The following PLD5 variants were observed in gnomAD, a reference collection of about 807,000 sequenced individuals.
PLD5 encodes phospholipase D family member 5, also known as inactive phospholipase D5.
PLD5 carries 36 observed loss-of-function variants against 61.1 expected under a neutral mutation model. The ratio of observed to expected loss-of-function variants is 0.59; its 90% confidence interval spans 0.45 to 0.78. The LOEUF is 0.78. PLD5 is among the 30% of genes least tolerant of loss of function. The probability of loss-of-function intolerance (pLI) is 0.00; values close to 1 mark genes in which losing one functional copy is unlikely to be tolerated. For synonymous variants in PLD5, 243 were observed against 242.8 expected (o/e 1.00, Z -0.01); for missense variants, 515 against 644.4 (o/e 0.80, Z 2.17).
intron 1 of PLD5, among the ~76,000 whole-genome samples, chr1:242,486,092 G>A (rs373222030): frequency 0.11 from 16,931 of 151,872 alleles, 1,627 homozygotes; most frequent in African/African-American, 0.26. Context: ...TTAAATGTTA[G>A]ACCTAAAACC....
At chr1:242,135,340 G>A (rs1490473873) in intron 5 of PLD5, among the ~76,000 whole-genome samples, 2 of 152,152 alleles carry the variant, frequency 1.3e-5, no homozygotes, top group African/African-American at 4.8e-5. Flanking sequence ...TGAGGCACAA[G>A]AGCTGGAGTG....
intron 5 of PLD5, among the ~76,000 whole-genome samples, chr1:242,175,818 G>C (rs148721191): frequency 1.3e-3 from 193 of 152,264 alleles, no homozygotes; most frequent in African/African-American, 4.1e-3. Flanking sequence ...GACAAACAGA[G>C]AGCCAAATCA....
chr1:242,323,098 T>C (rs181892916), intron 2 of PLD5, among the ~76,000 whole-genome samples: 145 of 152,246 alleles, frequency 9.5e-4, no homozygotes, highest in Non-Finnish European at 1.7e-3. Context: ...ATTATTATTG[T>C]TATAATTATT....
At chr1:242,260,316 C>T (rs1453578821) in intron 4 of PLD5, among the ~76,000 whole-genome samples, 3 of 150,076 alleles carry the variant, frequency 2.0e-5, no homozygotes, top group Non-Finnish European at 4.4e-5. Context: ...CATTGCACTC[C>T]AGCCTGGGTG....
At chr1:242,130,178 A>G (rs1300785072) in intron 5 of PLD5, among the ~76,000 whole-genome samples, 1 of 151,872 alleles carries the variant, frequency 6.6e-6, no homozygotes, top group East Asian at 1.9e-4. Context: ...CAGCCTCCCA[A>G]GTAGCTGTGA....
At chr1:242,284,906 T>C (rs1042209966) in intron 3 of PLD5, among the ~76,000 whole-genome samples, 9 of 152,126 alleles carry the variant, frequency 5.9e-5, no homozygotes, top group African/African-American at 1.4e-4. Flanking sequence ...CTCCCCCTTG[T>C]AAAGAGGCAA....
At chr1:242,103,616 G>T (rs893513586) in intron 8 of PLD5, among the ~76,000 whole-genome samples, 1 of 152,174 alleles carries the variant, frequency 6.6e-6, no homozygotes, top group Non-Finnish European at 1.5e-5. Flanking sequence ...CCATTCTCCT[G>T]TGTCTCTGAC....
intron 1 of PLD5, among the ~76,000 whole-genome samples, chr1:242,453,259 G>A (rs1349674210): frequency 6.6e-6 from 1 of 152,134 alleles, no homozygotes; most frequent in East Asian, 1.9e-4. Context: ...CAGGAAGCAG[G>A]TCCTCCAGGC....
At chr1:242,138,152 C>T (rs965626513) in intron 5 of PLD5, among the ~76,000 whole-genome samples, 15 of 152,072 alleles carry the variant, frequency 9.9e-5, no homozygotes, top group Admixed American at 5.2e-4. Context: ...ACTGGTATCC[C>T]AGATTTATAA....
intron 1 of PLD5, among the ~76,000 whole-genome samples, chr1:242,504,753 A>G (rs567473758): frequency 2.5e-4 from 38 of 151,980 alleles, no homozygotes; most frequent in African/African-American, 8.0e-4. Context: ...GTGAAACATG[A>G]TTTTCCCAAA....
intron 5 of PLD5, among the ~76,000 whole-genome samples, chr1:242,135,098 G>T (rs2800770): frequency 0.66 from 100,718 of 152,026 alleles, 33,773 homozygotes; most frequent in African/African-American, 0.75. Flanking sequence ...CTGTAAAGTG[G>T]GGTAGTAATG....
At chr1:242,200,259 G>A (rs1668900929) in intron 5 of PLD5, among the ~76,000 whole-genome samples, 1 of 152,184 alleles carries the variant, frequency 6.6e-6, no homozygotes, top group African/African-American at 2.4e-5. Context: ...GATTTCAATG[G>A]TCAGTGTGTT....
intron 5 of PLD5, among the ~76,000 whole-genome samples, chr1:242,135,880 C>T (rs1223310200): frequency 2.0e-5 from 3 of 152,198 alleles, no homozygotes; most frequent in East Asian, 1.9e-4. Flanking sequence ...TTCTACTTCT[C>T]ACTGACTTAC....
intron 4 of PLD5, among the ~76,000 whole-genome samples, chr1:242,247,085 G>A (rs1485290926): frequency 2.0e-5 from 3 of 150,266 alleles, no homozygotes; most frequent in African/African-American, 4.9e-5. Flanking sequence ...CCGGGTTCAC[G>A]CCATTCTCCT....
chr1:242,247,031 T>G (rs61845478), intron 4 of PLD5, among the ~76,000 whole-genome samples: 16,795 of 150,930 alleles, frequency 0.11, 1,231 homozygotes, highest in South Asian at 0.25. Flanking sequence ...TCGCCCAGGC[T>G]GGAGTGCAGT....
intron 5 of PLD5, among the ~76,000 whole-genome samples, chr1:242,185,663 A>G (rs939880284): frequency 6.6e-6 from 1 of 152,204 alleles, no homozygotes; most frequent in African/African-American, 2.4e-5. Context: ...GAGTCTCTTA[A>G]TTAATTCCCC....
chr1:242,113,633 A>G (rs547840730), intron 7 of PLD5, among the ~76,000 whole-genome samples: 2 of 152,336 alleles, frequency 1.3e-5, no homozygotes, highest in South Asian at 4.1e-4. Context: ...TTCTTTTGAA[A>G]GTTACTCTCA....
At position 242,397,719 on chromosome 1, in the gene PLD5, C is replaced by T. The variant is rs576948906; in HGVS notation, c.190-49477G>A. The stretch of plus-strand genomic sequence containing the variant: ...GACTATTCTATATCTCTATTACATT[C>T]TAATATCATCTCCTGTGGGAATTCT... On this transcript the variant is annotated intron_variant, in intron 1 of 9. Transcript: ENST00000536534. 3.9e-5 allele frequency among the ~76,000 whole-genome samples: 6 copies of T among 151,938 alleles called. No homozygotes were observed. The East Asian group carries it at 1.2e-3, about 29-fold the overall frequency.
chr1:242,118,862 G>A (rs371869457), intron 6 of PLD5, among the ~76,000 whole-genome samples: 1 of 152,192 alleles, frequency 6.6e-6, no homozygotes, highest in Non-Finnish European at 1.5e-5. Flanking sequence ...ACTAGTGGCT[G>A]TAAAATGTCT....
Sources: gnomAD v4.1 joint callset for allele counts (sites outside exome capture counted in the v4.1 genomes callset) on GRCh38, gnomAD v4.1.1 for gene constraint, MANE v1.5 for transcripts, NCBI Gene and HGNC (gene_info 2026-07-23, HGNC 2026-07-21) for gene names.